Variants in ANKRD27 observed in about 807,000 individuals in gnomAD.
ANKRD27 encodes the protein ankyrin repeat domain-containing protein 27.
ANKRD27 carries 112 observed loss-of-function variants against 129.7 expected under a neutral mutation model. The observed-to-expected ratio is 0.86, with a 90% CI of 0.74 to 1.01. ANKRD27 has a LOEUF of 1.01. Among genes scored for constraint, ANKRD27 ranks in the 50% least tolerant of loss-of-function variants. The pLI is 0.00. For missense variants in ANKRD27, 1,258 were observed against 1,300.5 expected (o/e 0.97, Z 0.50); for synonymous variants, 516 against 511.2 (o/e 1.01, Z -0.13).
Position 32,607,701 on chromosome 19 carries a change from G to T in ANKRD27, c.2307C>A (p.Asn769Lys), listed in dbSNP as rs377672018. The T allele has an allele frequency of 6.8e-6, 11 of 1,612,968 alleles. No individual in the cohort carries two copies. Among genetic ancestry groups the T allele is most frequent in the Non-Finnish European group, 9.3e-6 (11 of 1,179,708 alleles). The part of the protein sequence containing the change: ...LIPLLLKHGA[N>K]AGARNADQAV... The stretch of plus-strand genomic sequence containing the variant: ...CTTGGTCTGCGTTCCTGGCACCTGC[G>T]TTGGCCCCGTGCTTCAGCAGGAGGG... Residue 769 changes from asparagine (N) to lysine (K), a missense_variant, in exon 23 of 29, where the codon AAC (asparagine) becomes AAA (lysine). Transcript: ENST00000306065.
intron 12 of ANKRD27, among the ~76,000 whole-genome samples, chr19:32,636,829 C>T (rs953690460): frequency 1.3e-5 from 2 of 151,626 alleles, no homozygotes; most frequent in Non-Finnish European, 2.9e-5. Context: ...CTCACTGCAA[C>T]CTCTGCCTCC....
chr19:32,615,854 C>T, intron 21 of ANKRD27, 74 bp from the exon 22 acceptor site: 2 of 1,551,000 alleles, frequency 1.3e-6, no homozygotes, highest in Non-Finnish European at 1.7e-6. Flanking sequence ...AAACACACAC[C>T]ATCAACCGTT....
chr19:32,605,869 C>T lies in ANKRD27; in HGVS notation c.2459G>A (p.Gly820Asp). The change falls in exon 24 of 29, where the codon GGT (glycine) becomes GAT (aspartate). Residue 820 changes from glycine (G) to aspartate (D), a missense_variant. Physicochemically the swap from Gly to Asp is moderately conservative, Grantham distance 94 (BLOSUM62 -1). Transcript: ENST00000306065. Reference protein sequence around the residue: ...GNTPLIYACSGGHHELVALLL... With the variant: ...GNTPLIYACSDGHHELVALLL... The stretch of plus-strand genomic sequence containing the variant: ...CAGTGCCACAAGCTCGTGATGGCCA[C>T]CGGAGCAGGCGTAAATGAGGGGCGT... The T allele has an allele frequency of 6.2e-7, 1 of 1,614,002 alleles. No individual in the cohort carries two copies. The highest frequency in any genetic ancestry group is 8.5e-7 in the Non-Finnish European group (1 of 1,179,940).
chr19:32,664,529 C>T lies in ANKRD27; in HGVS notation c.-30-5484G>A, dbSNP rs145824215. Reference sequence around the variant, plus strand: ...AGCTACTTGGGAGGCTGAGGCAGAACTGCTTGAACCCAGGAGGCAGTGGTT... The same window carrying T: ...AGCTACTTGGGAGGCTGAGGCAGAATTGCTTGAACCCAGGAGGCAGTGGTT... On this transcript the variant is annotated intron_variant, in intron 1 of 28. Transcript: ENST00000306065. 9.4e-3 allele frequency among the ~76,000 whole-genome samples: 1,430 copies of T among 151,340 alleles called. 27 individuals carry two copies. Among genetic ancestry groups the T allele is most frequent in the African/African-American group, 0.033 (1,352 of 41,282 alleles).
chr19:32,656,621 T>C (rs1010880411), intron 2 of ANKRD27, among the ~76,000 whole-genome samples: 12 of 151,862 alleles, frequency 7.9e-5, no homozygotes, highest in Non-Finnish European at 4.4e-5. Context: ...ACCCCATCTC[T>C]ACAAAAAATA....
At chr19:32,612,031 G>T (rs1232608526) in intron 22 of ANKRD27, among the ~76,000 whole-genome samples, 1 of 152,166 alleles carries the variant, frequency 6.6e-6, no homozygotes, top group Non-Finnish European at 1.5e-5. Flanking sequence ...ATGACACTGA[G>T]CCCAGCCTAA....
chr19:32,669,724 G>A (rs564850096), intron 1 of ANKRD27, among the ~76,000 whole-genome samples: 5 of 152,256 alleles, frequency 3.3e-5, no homozygotes, highest in South Asian at 2.1e-4. Flanking sequence ...GTGGTCGGGC[G>A]TGGTGGCTCA....
intron 1 of ANKRD27, among the ~76,000 whole-genome samples, chr19:32,666,969 G>T (rs1032427220): frequency 2.0e-5 from 3 of 152,056 alleles, no homozygotes; most frequent in Non-Finnish European, 4.4e-5. Flanking sequence ...TTCTAACCAC[G>T]TCATCCCACC....
chr19:32,653,348 TAAAA>T (rs1384790377), intron 2 of ANKRD27, among the ~76,000 whole-genome samples: 2 of 152,054 alleles, frequency 1.3e-5, no homozygotes, highest in African/African-American at 4.8e-5. Flanking sequence ...GACAACTCAA[TAAAA>T]GAACCAAGTT....
rs753864994 is a variant in ANKRD27, at chr19:32,604,318, G to A, written c.2600C>T (p.Ala867Val). The A allele has an allele frequency of 1.3e-5, 21 of 1,613,862 alleles. No homozygotes were observed. In the East Asian group the frequency reaches 1.3e-4, roughly 10 times the overall value. The change falls in exon 25 of 29, where the codon GCG becomes GTG. Residue 867 changes from alanine to valine, a missense_variant. By Grantham distance (64) the Ala-to-Val change is moderately conservative (BLOSUM62 0). Transcript: ENST00000306065. ...FVVELLLLHG[A>V]SVQVLNKRQR... ...CCGCTTGTTCAGCACCTGAACTGACGCTCCGTGGAGCAGAAGCAGCTCTAC... is the reference window on the plus strand; with the variant it reads ...CCGCTTGTTCAGCACCTGAACTGACACTCCGTGGAGCAGAAGCAGCTCTAC...
Position 32,625,910 on chromosome 19 carries a change from C to T in ANKRD27, c.1593G>A (p.Thr531=), listed in dbSNP as rs200804170. 185 of 1,610,594 alleles carry T rather than the reference C, an allele frequency of 1.1e-4. 1 individual carries two copies. Among genetic ancestry groups the T allele is most frequent in the African/African-American group, 2.7e-5 (2 of 74,942 alleles). The change falls in exon 17 of 29, where the codon ACG becomes ACA. Residue 531 remains threonine (T), a synonymous_variant. Coordinates refer to ENST00000306065, the MANE Select transcript of ANKRD27 (RefSeq NM_032139.3). The part of the protein sequence containing the change: ...SAEVQDNNGN[T]PLHLACTYGH... The stretch of plus-strand genomic sequence containing the variant: ...CGTAGGTGCAGGCCAGGTGGAGTGG[C>T]GTATTCCCATTGTTGTCCTGCACTT...
rs755660099 is a variant in ANKRD27, at chr19:32,617,639, T to C, written c.2008-6A>G. ...GCTCTCAAAAGTTTTTCTACCTTAATAAAAGGAACAAGAATGTTAGAAAAA... is the reference window on the plus strand; with the variant it reads ...GCTCTCAAAAGTTTTTCTACCTTAACAAAAGGAACAAGAATGTTAGAAAAA... On this transcript the variant is annotated splice_polypyrimidine_tract_variant and splice_region_variant and intron_variant, in intron 20 of 28. Coordinates refer to ENST00000306065, the MANE Select transcript of ANKRD27 (RefSeq NM_032139.3). 5 of 748,970 alleles carry C rather than the reference T, an allele frequency of 6.7e-6. No individual in the cohort carries two copies. Among genetic ancestry groups the C allele is most frequent in the South Asian group, 1.5e-5 (1 of 67,854 alleles). 46.4% of individuals were successfully genotyped at this position (748,970 alleles called of 1,614,324 possible).
At chr19:32,626,897 C>A in intron 15 of ANKRD27, 70 bp from the exon 16 acceptor site, 1 of 1,066,274 alleles carries the variant, frequency 9.4e-7, no homozygotes, top group Non-Finnish European at 1.4e-6. Context: ...ACTGTAAAAC[C>A]ACAACACTAT....
intron 24 of ANKRD27, 48 bp downstream of exon 24, chr19:32,605,787 T>C (rs1412784390): frequency 5.0e-6 from 8 of 1,603,394 alleles, no homozygotes; most frequent in Non-Finnish European, 6.0e-6. Flanking sequence ...GGAGGCGCCC[T>C]GTTAACTGGC....
rs146025565 is a variant in ANKRD27, at chr19:32,615,712, G to T, written c.2121C>A (p.Asp707Glu). Residue 707 changes from aspartate (D) to glutamate (E), a missense_variant, in exon 22 of 29, where the codon GAC becomes GAA. Asp to Glu is a conservative substitution (Grantham distance 45). Transcript: ENST00000306065. ...EDAEDTVSAADPEFCHPLCQC... is the reference protein window; with the variant it reads ...EDAEDTVSAAEPEFCHPLCQC... The stretch of plus-strand genomic sequence containing the variant: ...GGCACAACGGGTGACAGAATTCGGG[G>T]TCCGCTGCACTGACAGTGTCCTCCG... 56 of 1,614,060 alleles carry T rather than the reference G, an allele frequency of 3.5e-5. No homozygotes were observed. The African/African-American group carries it at 7.1e-4, about 20-fold the overall frequency.
intron 13 of ANKRD27, among the ~76,000 whole-genome samples, chr19:32,629,769 A>C (rs1366493160): frequency 6.6e-6 from 1 of 151,936 alleles, no homozygotes. Flanking sequence ...TGGCGGGCAG[A>C]CAACACATCT....
chr19:32,632,945 TA>T (rs1388624617), intron 12 of ANKRD27, among the ~76,000 whole-genome samples: 3 of 152,148 alleles, frequency 2.0e-5, no homozygotes, highest in Admixed American at 2.0e-4. Context: ...AGGGTTAACT[TA>T]GCAAATGAAC....
At chr19:32,607,253 C>T (rs1971757950) in intron 23 of ANKRD27, among the ~76,000 whole-genome samples, 1 of 151,624 alleles carries the variant, frequency 6.6e-6, no homozygotes, top group South Asian at 2.1e-4. Flanking sequence ...CCTGACTGTT[C>T]TTTATGAAGT....
At chr19:32,600,311 G>T in intron 26 of ANKRD27, 1 of 310,120 alleles carries the variant, frequency 3.2e-6, no homozygotes, top group Admixed American at 4.1e-5. Flanking sequence ...AGGCCGAGGT[G>T]GGCATATCAC....
Sources: allele counts gnomAD v4.1 joint callset (sites outside exome capture counted in the v4.1 genomes callset), GRCh38; gene constraint gnomAD v4.1.1; transcripts MANE v1.5; gene names NCBI Gene and HGNC (gene_info 2026-07-23, HGNC 2026-07-21).